FHIT: variants seen among roughly 807,000 people sequenced by gnomAD.
FHIT encodes the protein bis(5'-adenosyl)-triphosphatase.
Under a neutral mutation model 17.9 loss-of-function variants are expected in FHIT, and 19 were observed. The observed-to-expected ratio is 1.06, with a 90% CI of 0.74 to 1.56. FHIT has a LOEUF of 1.56. FHIT is among the 40% of genes most tolerant of loss of function. The pLI is 0.00. For synonymous variants in FHIT, 81 were observed against 69.7 expected (o/e 1.16, Z -0.81); for missense variants, 248 against 189.2 (o/e 1.31, Z -1.82).
Position 61,218,584 on chromosome 3 carries a change from G to C in FHIT, c.-212-17919C>G, listed in dbSNP as rs568832446. On this transcript the variant is annotated intron_variant, in intron 1 of 9. Transcript: ENST00000492590. ...AGAAAAAAGGCCGAGTATGTATCAA[G>C]GTAATGGAGAAGATCTATTTAAGAT... Among the ~76,000 whole-genome samples, 12 of 152,288 alleles carry C rather than the reference G, an allele frequency of 7.9e-5. No individual in the cohort carries two copies. In the South Asian group the frequency reaches 2.3e-3, roughly 29 times the overall value.
intron 5 of FHIT, among the ~76,000 whole-genome samples, chr3:60,143,599 G>T (rs893314374): frequency 6.6e-6 from 1 of 151,972 alleles, no homozygotes; most frequent in Non-Finnish European, 1.5e-5. Flanking sequence ...CAGAGTTTTG[G>T]GATAATTTGT....
chr3:61,051,390 C>A (rs149033763), intron 2 of FHIT, among the ~76,000 whole-genome samples: 6 of 152,212 alleles, frequency 3.9e-5, no homozygotes, highest in African/African-American at 1.4e-4. Context: ...GCTGGGACTA[C>A]AGGCATGCGC....
intron 5 of FHIT, among the ~76,000 whole-genome samples, chr3:60,494,312 T>A (rs558103300): frequency 6.6e-6 from 1 of 152,306 alleles, no homozygotes; most frequent in African/African-American, 2.4e-5. Context: ...AATATGCGAC[T>A]TTTAGTGTAT....
At chr3:60,060,872 T>C (rs115947165) in intron 5 of FHIT, among the ~76,000 whole-genome samples, 1,562 of 152,346 alleles carry the variant, frequency 0.01, 27 homozygotes, top group African/African-American at 0.035. Context: ...AGCATTCTTA[T>C]TCAGAATTTC....
intron 5 of FHIT, among the ~76,000 whole-genome samples, chr3:60,412,196 G>T (rs982728080): frequency 6.6e-6 from 1 of 152,166 alleles, no homozygotes; most frequent in Non-Finnish European, 1.5e-5. Flanking sequence ...GCAACATAGT[G>T]AGACTCCCAT....
intron 4 of FHIT, among the ~76,000 whole-genome samples, chr3:60,597,028 A>C (rs1229894384): frequency 6.6e-6 from 1 of 152,120 alleles, no homozygotes; most frequent in Non-Finnish European, 1.5e-5. Flanking sequence ...CTGCTTCCCA[A>C]ATTATTTTAC....
intron 5 of FHIT, among the ~76,000 whole-genome samples, chr3:60,522,112 T>TTTG (rs1263025385): frequency 6.6e-6 from 1 of 150,446 alleles, no homozygotes; most frequent in Non-Finnish European, 1.5e-5. Context: ...AGAAGTTTTT[T>TTTG]TTTTTTTTTT....
intron 3 of FHIT, among the ~76,000 whole-genome samples, chr3:60,960,796 T>C (rs905489844): frequency 2.2e-4 from 34 of 152,258 alleles, no homozygotes; most frequent in Non-Finnish European, 4.6e-4. Context: ...TATTCCATGT[T>C]GTATATGTGC....
At chr3:60,007,167 C>T (rs1356556591) in intron 7 of FHIT, among the ~76,000 whole-genome samples, 6 of 152,086 alleles carry the variant, frequency 3.9e-5, no homozygotes, top group African/African-American at 1.2e-4. Flanking sequence ...AAACCGCCTC[C>T]CACCCAAAGA....
At chr3:60,909,951 G>A (rs1706643156) in intron 3 of FHIT, among the ~76,000 whole-genome samples, 1 of 152,136 alleles carries the variant, frequency 6.6e-6, no homozygotes, top group South Asian at 2.1e-4. Flanking sequence ...TTGAAAAGGT[G>A]TTTCATATAC....
chr3:60,934,115 G>A (rs1553772532), intron 3 of FHIT, among the ~76,000 whole-genome samples: 1 of 152,136 alleles, frequency 6.6e-6, no homozygotes, highest in Non-Finnish European at 1.5e-5. Context: ...CTATTGAGAG[G>A]AATCTTGACC....
chr3:60,628,557 TA>T (rs2039355420), intron 4 of FHIT, among the ~76,000 whole-genome samples: 1 of 152,232 alleles, frequency 6.6e-6, no homozygotes, highest in Non-Finnish European at 1.5e-5. Flanking sequence ...CTGACCCAAT[TA>T]AATTCAAGGG....
At chr3:60,873,461 C>CAA (rs2107081186) in intron 3 of FHIT, among the ~76,000 whole-genome samples, 1 of 152,316 alleles carries the variant, frequency 6.6e-6, no homozygotes, top group African/African-American at 2.4e-5. Flanking sequence ...TTTCCTTCAA[C>CAA]AGGTTCCTTT....
chr3:61,240,799 C>T (rs1258841896), intron 1 of FHIT, among the ~76,000 whole-genome samples: 1 of 152,180 alleles, frequency 6.6e-6, no homozygotes, highest in Non-Finnish European at 1.5e-5. Context: ...TGGTTCTTGG[C>T]CCTGGCTACA....
chr3:59,828,841 C>CTGTG (rs1491505595), intron 8 of FHIT, among the ~76,000 whole-genome samples: 23 of 2,678 alleles, frequency 8.6e-3, no homozygotes, highest in Non-Finnish European at 0.03. Flanking sequence ...ACCAATGGTA[C>CTGTG]TCTCTCTGTG....
chr3:60,955,633 T>TATATATATATATATATATATATATACAC (rs1272864632), intron 3 of FHIT, among the ~76,000 whole-genome samples: 4 of 39,512 alleles, frequency 1.0e-4, no homozygotes, highest in Admixed American at 2.9e-4. Flanking sequence ...TATATATATA[T>TATATATATATATATATATATATATACAC]ACACACACAC....
chr3:60,378,773 C>T lies in FHIT; in HGVS notation c.103+158087G>A, dbSNP rs577140437. Among the ~76,000 whole-genome samples the T allele has an allele frequency of 2.0e-5, 3 of 152,364 alleles. No individual in the cohort carries two copies. The South Asian group carries it at 6.2e-4, about 32-fold the overall frequency. On this transcript the variant is annotated intron_variant, in intron 5 of 9. Coordinates refer to ENST00000492590, the MANE Select transcript of FHIT (RefSeq NM_002012.4). ...TAGCAATGCCTGACCTTCAGACACA[C>T]TGGCCATGCCAGGGATGCAGAGTTC...
chr3:60,659,840 G>T (rs1057184730), intron 4 of FHIT, among the ~76,000 whole-genome samples: 1 of 152,132 alleles, frequency 6.6e-6, no homozygotes, highest in South Asian at 2.1e-4. Flanking sequence ...TTTATGTGCT[G>T]TGATTTTGTT....
At chr3:59,950,843 G>A (rs1050943031) in intron 7 of FHIT, among the ~76,000 whole-genome samples, 1 of 152,162 alleles carries the variant, frequency 6.6e-6, no homozygotes, top group African/African-American at 2.4e-5. Flanking sequence ...GTACTCAAGA[G>A]CTCCCAGGAT....
Sources: allele counts gnomAD v4.1 joint callset (sites outside exome capture counted in the v4.1 genomes callset), GRCh38; gene constraint gnomAD v4.1.1; transcripts MANE v1.5; gene names NCBI Gene and HGNC (gene_info 2026-07-23, HGNC 2026-07-21).